The following TAFA2 variants were observed in gnomAD, a reference collection of about 807,000 sequenced individuals.
The protein encoded by TAFA2 is TAFA chemokine like family member 2, also known as chemokine-like protein TAFA-2.
TAFA2 carries 7 observed loss-of-function variants against 18.8 expected under a neutral mutation model. That is an observed-to-expected ratio of 0.37 (90% CI 0.21 to 0.70). TAFA2 has a LOEUF of 0.70. TAFA2 is among the 30% of genes least tolerant of loss of function. The pLI, the probability that TAFA2 is intolerant of heterozygous loss-of-function variation, is 0.53. For missense variants in TAFA2, 122 were observed against 158.1 expected (o/e 0.77, Z 1.23); for synonymous variants, 60 against 54.2 (o/e 1.11, Z -0.47).
intron 1 of TAFA2, among the ~76,000 whole-genome samples, chr12:61,986,136 G>C (rs1298033179): frequency 7.2e-6 from 1 of 139,338 alleles, no homozygotes; most frequent in Non-Finnish European, 1.5e-5. Context: ...ACAGAATCTA[G>C]ACATAGACAA....
chr12:62,202,511 T>C (rs2062675443), intron 1 of TAFA2, among the ~76,000 whole-genome samples: 1 of 152,012 alleles, frequency 6.6e-6, no homozygotes, highest in Admixed American at 6.6e-5. Flanking sequence ...CTAATTTTTG[T>C]ATTTTTAGTA....
intron 1 of TAFA2, among the ~76,000 whole-genome samples, chr12:61,888,033 C>A (rs1225326712): frequency 2.0e-5 from 3 of 151,780 alleles, no homozygotes; most frequent in African/African-American, 4.8e-5. Context: ...CAATGAGATA[C>A]CATCTCACAC....
intron 1 of TAFA2, among the ~76,000 whole-genome samples, chr12:62,249,141 T>G (rs892270424): frequency 6.6e-6 from 1 of 152,022 alleles, no homozygotes; most frequent in Non-Finnish European, 1.5e-5. Context: ...CATTGCACAA[T>G]GTGACCCTCA....
At position 62,147,723 on chromosome 12, in the gene TAFA2, C is replaced by T. The variant is rs1378705956; in HGVS notation, c.-2+43536G>A. ...CCAGCCTGGGCAACAGAGCAAGACT[C>T]TGTCTCAAAAAAAAAAAAAAAAAAA... is the stretch of plus-strand genomic sequence containing the variant. On this transcript the variant is annotated intron_variant, in intron 1 of 4. Transcript: ENST00000416284. 8.7e-5 allele frequency among the ~76,000 whole-genome samples: 8 copies of T among 92,216 alleles called. No homozygotes were observed. The East Asian group carries it at 2.1e-3, about 24-fold the overall frequency. The allele number at this position is 92,216 out of a possible 152,430, so 60.5% of individuals were successfully genotyped here.
intron 1 of TAFA2, chr12:62,021,660 G>T: frequency 7.6e-7 from 1 of 1,307,720 alleles, no homozygotes. Flanking sequence ...CTCATCTTTG[G>T]GTTCCACGAT....
chr12:62,052,341 C>T (rs1003618984), intron 1 of TAFA2, among the ~76,000 whole-genome samples: 2 of 152,044 alleles, frequency 1.3e-5, no homozygotes, highest in Non-Finnish European at 2.9e-5. Flanking sequence ...TACAGGTGCA[C>T]GCCACCATGC....
intron 1 of TAFA2, among the ~76,000 whole-genome samples, chr12:62,052,187 TGC>T (rs1882072585): frequency 2.0e-5 from 1 of 51,242 alleles, no homozygotes; most frequent in African/African-American, 4.9e-5. Context: ...TGTGCATGTG[TGC>T]ATGCGTGCGT....
At chr12:62,114,601 C>T (rs1432342507) in intron 1 of TAFA2, among the ~76,000 whole-genome samples, 5 of 152,126 alleles carry the variant, frequency 3.3e-5, no homozygotes, top group African/African-American at 1.2e-4. Flanking sequence ...GCTAAAAGAC[C>T]TCCAATTACC....
intron 1 of TAFA2, among the ~76,000 whole-genome samples, chr12:61,869,086 G>T (rs545776776): frequency 6.6e-6 from 1 of 152,116 alleles, no homozygotes; most frequent in Non-Finnish European, 1.5e-5. Context: ...TGGGAGGCTT[G>T]TCCATTCGTG....
chr12:62,216,469 T>G (rs1211712492), intron 1 of TAFA2, among the ~76,000 whole-genome samples: 2 of 152,172 alleles, frequency 1.3e-5, no homozygotes, highest in African/African-American at 2.4e-5. Flanking sequence ...TGGTTGCTGA[T>G]TTTCATCCTA....
At chr12:62,174,748 T>G (rs996524263) in intron 1 of TAFA2, among the ~76,000 whole-genome samples, 2 of 152,068 alleles carry the variant, frequency 1.3e-5, no homozygotes, top group African/African-American at 4.8e-5. Context: ...CCCTTAATCT[T>G]TACACGGCTC....
chr12:62,136,257 C>A (rs952799084), intron 1 of TAFA2, among the ~76,000 whole-genome samples: 1 of 152,088 alleles, frequency 6.6e-6, no homozygotes, highest in African/African-American at 2.4e-5. Context: ...AAGTTATTTT[C>A]TTTAATACAG....
At chr12:61,900,424 G>C (rs1876047497) in intron 1 of TAFA2, among the ~76,000 whole-genome samples, 1 of 152,152 alleles carries the variant, frequency 6.6e-6, no homozygotes, top group Non-Finnish European at 1.5e-5. Context: ...CCATTATCAT[G>C]CTGCTAATAA....
intron 2 of TAFA2, among the ~76,000 whole-genome samples, chr12:61,803,571 T>C (rs1018458590): frequency 2.0e-5 from 3 of 151,956 alleles, no homozygotes; most frequent in Non-Finnish European, 4.4e-5. Flanking sequence ...AATCCCCCTT[T>C]AGCATATATA....
chr12:62,174,826 C>G (rs1175746940), intron 1 of TAFA2, among the ~76,000 whole-genome samples: 1 of 152,184 alleles, frequency 6.6e-6, no homozygotes, highest in Non-Finnish European at 1.5e-5. Context: ...TCCACTGATA[C>G]AATACCGTTT....
chr12:62,016,666 C>T (rs1266238792), intron 1 of TAFA2, among the ~76,000 whole-genome samples: 1 of 152,150 alleles, frequency 6.6e-6, no homozygotes, highest in Non-Finnish European at 1.5e-5. Flanking sequence ...AACAACATTC[C>T]TCCGAGCCCT....
intron 1 of TAFA2, among the ~76,000 whole-genome samples, chr12:61,926,022 A>T (rs980720151): frequency 6.6e-6 from 1 of 152,214 alleles, no homozygotes; most frequent in Non-Finnish European, 1.5e-5. Context: ...AGTGGATACC[A>T]CCACTGATCC....
intron 1 of TAFA2, among the ~76,000 whole-genome samples, chr12:62,040,151 A>G (rs1387971651): frequency 6.6e-6 from 1 of 152,172 alleles, no homozygotes; most frequent in African/African-American, 2.4e-5. Flanking sequence ...CCAGGGTCCA[A>G]TGTAAGACAG....
intron 1 of TAFA2, among the ~76,000 whole-genome samples, chr12:62,248,684 A>C (rs967091745): frequency 3.3e-5 from 5 of 152,246 alleles, no homozygotes; most frequent in African/African-American, 7.2e-5. Flanking sequence ...CCAGCTCTCC[A>C]TATCTCCTTC....
Sources: gnomAD v4.1 joint callset for allele counts (sites outside exome capture counted in the v4.1 genomes callset) on GRCh38, gnomAD v4.1.1 for gene constraint, MANE v1.5 for transcripts, NCBI Gene and HGNC (gene_info 2026-07-23, HGNC 2026-07-21) for gene names.